Variants in ERCC6L2 observed in about 807,000 individuals in gnomAD.
ERCC6L2 encodes the protein DNA excision repair protein ERCC-6-like 2.
A neutral mutation model predicts 132.0 loss-of-function variants in ERCC6L2; 77 were observed. The observed-to-expected ratio is 0.58, with a 90% CI of 0.49 to 0.71. ERCC6L2 has a LOEUF of 0.71. Among genes scored for constraint, ERCC6L2 ranks in the 30% least tolerant of loss-of-function variants. The probability of loss-of-function intolerance (pLI) is 0.00; values close to 1 mark genes in which losing one functional copy is unlikely to be tolerated. For synonymous variants in ERCC6L2, 583 were observed against 632.4 expected (o/e 0.92, Z 1.17); for missense variants, 1,542 against 1,837.6 (o/e 0.84, Z 2.94).
At chr9:96,039,523 G>A (rs1476921725) in intron 20 of ERCC6L2, among the ~76,000 whole-genome samples, 2 of 152,172 alleles carry the variant, frequency 1.3e-5, no homozygotes, top group Non-Finnish European at 2.9e-5. Context: ...CCTGGACAGT[G>A]AAGCCAGCCA....
intron 19 of ERCC6L2, among the ~76,000 whole-genome samples, chr9:96,036,085 A>G (rs914251851): frequency 2.6e-5 from 4 of 152,192 alleles, no homozygotes; most frequent in Admixed American, 6.5e-5. Context: ...TTACCATCCC[A>G]AACATATTTA....
chr9:95,877,985 TATG>T (rs889800551), intron 1 of ERCC6L2, among the ~76,000 whole-genome samples: 1 of 152,152 alleles, frequency 6.6e-6, no homozygotes, highest in Non-Finnish European at 1.5e-5. Context: ...AATTAAATGT[TATG>T]ATAAGTGCTA....
chr9:95,937,826 A>G (rs574629200), intron 11 of ERCC6L2, among the ~76,000 whole-genome samples: 89 of 148,896 alleles, frequency 6.0e-4, no homozygotes, highest in African/African-American at 2.0e-3. Context: ...CTGCTTTTTT[A>G]TTTATTATTT....
In ERCC6L2 at chr9:95,903,857, T is replaced by TA. The variant is rs1054206883; in HGVS notation, c.595-3212dup. 6.0e-5 allele frequency among the ~76,000 whole-genome samples: 9 copies of TA among 151,246 alleles called. No homozygotes were observed. The East Asian group carries it at 9.7e-4, about 16-fold the overall frequency. ...ATCTTTGCTAGAAAACTCAAAGTAC[T>TA]AAAAAAAAAGTTTTCGTATTTATCT... is the stretch of plus-strand genomic sequence containing the variant. On this transcript the variant is annotated intron_variant, in intron 3 of 18. Transcript: ENST00000653738.
At chr9:95,892,880 T>C (rs1317283708) in intron 2 of ERCC6L2, among the ~76,000 whole-genome samples, 1 of 152,246 alleles carries the variant, frequency 6.6e-6, no homozygotes, top group East Asian at 1.9e-4. Flanking sequence ...TTATTCATTC[T>C]GACAATCTCT....
intron 19 of ERCC6L2, among the ~76,000 whole-genome samples, chr9:96,038,141 G>A (rs962484354): frequency 6.6e-6 from 1 of 152,026 alleles, no homozygotes; most frequent in Non-Finnish European, 1.5e-5. Context: ...GTGGAGGAGG[G>A]ATGTTGGGCC....
intron 17 of ERCC6L2, among the ~76,000 whole-genome samples, chr9:95,988,672 T>C (rs1203520477): frequency 6.6e-6 from 1 of 152,264 alleles, no homozygotes; most frequent in Non-Finnish European, 1.5e-5. Context: ...GTTTTTCCTC[T>C]GCTCTCACCC....
intron 18 of ERCC6L2, among the ~76,000 whole-genome samples, chr9:96,008,458 T>G (rs1178179714): frequency 6.6e-6 from 1 of 152,154 alleles, no homozygotes; most frequent in Non-Finnish European, 1.5e-5. Flanking sequence ...TTACAGAGAT[T>G]AGGGAACTTT....
chr9:95,965,973 A>G lies in ERCC6L2; in HGVS notation c.1948-589A>G, dbSNP rs552873560. On this transcript the variant is annotated intron_variant, in intron 13 of 18. Coordinates refer to ENST00000653738, the MANE Select transcript of ERCC6L2 (RefSeq NM_020207.7). ...ATTACATTTAGTAAAATATCCAGCA[A>G]ATAGTGCATATTAATGTTGATACTG... 3.3e-5 allele frequency among the ~76,000 whole-genome samples: 5 copies of G among 152,346 alleles called. No individual in the cohort carries two copies. The East Asian group carries it at 9.6e-4, about 29-fold the overall frequency.
chr9:95,976,652 T>A (rs1256386630), intron 16 of ERCC6L2, among the ~76,000 whole-genome samples: 1 of 152,148 alleles, frequency 6.6e-6, no homozygotes, highest in Non-Finnish European at 1.5e-5. Context: ...GTTATCTAAT[T>A]TTGTTGTAAA....
At chr9:96,032,734 G>T (rs560465750) in intron 19 of ERCC6L2, among the ~76,000 whole-genome samples, 1 of 152,202 alleles carries the variant, frequency 6.6e-6, no homozygotes, top group South Asian at 2.1e-4. Context: ...GGCCTAGAAC[G>T]CAATGCTGGT....
At chr9:95,916,035 A>G (rs1031180854) in intron 5 of ERCC6L2, among the ~76,000 whole-genome samples, 192 bp from the exon 6 acceptor site, 10 of 152,306 alleles carry the variant, frequency 6.6e-5, no homozygotes, top group Middle Eastern at 3.4e-3. Flanking sequence ...GTAAATATAC[A>G]TGTTCACTGC....
At chr9:95,876,902 C>A (rs1041185538) in intron 1 of ERCC6L2, 1 of 152,158 alleles carries the variant, frequency 6.6e-6, no homozygotes, top group Non-Finnish European at 1.5e-5. Context: ...AGGAGACTGG[C>A]AGCTAAAAAT....
chr9:95,973,591 G>A (rs1210615267), intron 16 of ERCC6L2, among the ~76,000 whole-genome samples: 1 of 152,034 alleles, frequency 6.6e-6, no homozygotes, highest in Non-Finnish European at 1.5e-5. Context: ...CTTGCAGAGG[G>A]GAACTCCTCT....
At position 96,013,042 on chromosome 9, in the gene ERCC6L2, G is replaced by A. The variant is rs371135131; in HGVS notation, c.4492G>A (p.Val1498Ile). 4 of 1,367,508 alleles carry A rather than the reference G, an allele frequency of 2.9e-6. No homozygotes were observed. The African/African-American group carries it at 4.4e-5, about 15-fold the overall frequency. 84.7% of individuals were successfully genotyped at this position (1,367,508 alleles called of 1,614,324 possible). Reference sequence around the variant, plus strand: ...TCTTAGTAAACTCACAGACTTGGCAGTAATAGAGACTCTGTGTGAAAAAGC... The same window carrying A: ...TCTTAGTAAACTCACAGACTTGGCAATAATAGAGACTCTGTGTGAAAAAGC... ...ESLSKLTDLA[V>I]IETLCEKAPL... is the part of the protein sequence containing the mutation. The change falls in exon 19 of 19, where the codon GTA becomes ATA. Residue 1498 changes from valine (V) to isoleucine (I), a missense_variant. Coordinates refer to ENST00000653738, the MANE Select transcript of ERCC6L2 (RefSeq NM_020207.7).
chr9:95,876,633 C>T (rs1174979480), intron 1 of ERCC6L2: 1 of 152,282 alleles, frequency 6.6e-6, no homozygotes, highest in Non-Finnish European at 1.5e-5. Flanking sequence ...CACAAGTCAC[C>T]TGGGATGCCT....
intron 13 of ERCC6L2, among the ~76,000 whole-genome samples, chr9:95,960,848 G>A (rs1278066339): frequency 6.6e-6 from 1 of 152,010 alleles, no homozygotes. Flanking sequence ...TGTTGCCCAG[G>A]CTGGTTGAAA....
At chr9:96,002,033 ACGCCCAC>A (rs1833702826) in intron 17 of ERCC6L2, among the ~76,000 whole-genome samples, 1 of 152,212 alleles carries the variant, frequency 6.6e-6, no homozygotes, top group Non-Finnish European at 1.5e-5. Flanking sequence ...CACCAAGCCC[ACGCCCAC>A]CTGGAACTCC....
intron 17 of ERCC6L2, among the ~76,000 whole-genome samples, chr9:95,978,557 G>A (rs1382340414): frequency 1.3e-5 from 2 of 152,190 alleles, no homozygotes; most frequent in South Asian, 2.1e-4. Context: ...AGGAAAGTGT[G>A]TGATTAGGTT....
Sources: allele counts gnomAD v4.1 joint callset (sites outside exome capture counted in the v4.1 genomes callset), GRCh38; gene constraint gnomAD v4.1.1; transcripts MANE v1.5; gene names NCBI Gene and HGNC (gene_info 2026-07-23, HGNC 2026-07-21).